The following QRICH2 variants were observed in gnomAD, a reference collection of about 807,000 sequenced individuals.
QRICH2 encodes the protein glutamine rich 2, also known as glutamine-rich protein 2.
In QRICH2, 119 loss-of-function variants were observed where a neutral mutation model predicts 168.3. The observed-to-expected ratio is 0.71, with a 90% confidence interval of 0.61 to 0.82. QRICH2 has a LOEUF of 0.82. Ranked by LOEUF, QRICH2 falls within the 40% of genes least tolerant of loss-of-function variation. QRICH2 has a pLI of 0.00. For synonymous variants in QRICH2, 894 were observed against 951.2 expected (o/e 0.94, Z 1.11); for missense variants, 2,241 against 2,491.6 (o/e 0.90, Z 2.14).
chr17:76,279,431 G>T lies in QRICH2; in HGVS notation c.4749-3C>A, dbSNP rs1476799143. The T allele has an allele frequency of 6.2e-7, 1 of 1,609,188 alleles. No homozygotes were observed. Among genetic ancestry groups the T allele is most frequent in the Non-Finnish European group, 8.5e-7 (1 of 1,177,764 alleles). ...AGTGGAAATGTGCCAGGAGCTGCCT[G>T]TTAGGAATGGGACGCACACGCAGGG... On this transcript the variant is annotated splice_region_variant and splice_polypyrimidine_tract_variant and intron_variant, in intron 12 of 18. Coordinates refer to ENST00000680821, the MANE Select transcript of QRICH2 (RefSeq NM_001388453.1).
At chr17:76,282,732 A>T (rs1340481576) in intron 7 of QRICH2, among the ~76,000 whole-genome samples, 3 of 152,146 alleles carry the variant, frequency 2.0e-5, no homozygotes, top group African/African-American at 4.8e-5. Context: ...ACCCCAAATG[A>T]GAGTTCCCAG....
rs189281276 is a variant in QRICH2, at chr17:76,299,421, G to A, written c.705+4994C>T. 2.0e-3 allele frequency among the ~76,000 whole-genome samples: 309 copies of A among 152,182 alleles called. 1 individual carries two copies. The highest frequency in any genetic ancestry group is 3.8e-3 in the Non-Finnish European group (258 of 68,004). ...TTTCTGATTTCAGGGCTCATTCTCA[G>A]AGGAAAGCGGCATCAGAAAGATGTT... On this transcript the variant is annotated intron_variant, in intron 3 of 18. Transcript: ENST00000680821.
intron 3 of QRICH2, among the ~76,000 whole-genome samples, chr17:76,298,806 G>A (rs2070848335): frequency 6.6e-6 from 1 of 151,792 alleles, no homozygotes; most frequent in African/African-American, 2.4e-5. Context: ...AGTAGAGATG[G>A]GGCTTCACCA....
In QRICH2 at chr17:76,292,887, C is replaced by A; in HGVS notation, c.1840G>T (p.Gly614Cys). The A allele has an allele frequency of 6.2e-7, 1 of 1,611,032 alleles. No homozygotes were observed. Among genetic ancestry groups the A allele is most frequent in the Non-Finnish European group, 8.5e-7 (1 of 1,179,518 alleles). The change falls in exon 4 of 19, where the codon GGT becomes TGT. Residue 614 changes from glycine to cysteine, a missense_variant. Around this residue, in one of 3 missense-constraint regions of QRICH2, gnomAD observed 2,047 missense variants for 2,303.8 expected, o/e 0.89. Coordinates refer to ENST00000680821, the MANE Select transcript of QRICH2 (RefSeq NM_001388453.1). ...CAGACCAAACCACGCTGATCTGCACCAGGTTGGGCCAAACCAGACTGATCC... is the reference window on the plus strand; with the variant it reads ...CAGACCAAACCACGCTGATCTGCACAAGGTTGGGCCAAACCAGACTGATCC... ...GMDQSGLAQPGADQRGLVWPG... is the reference protein window; with the variant it reads ...GMDQSGLAQPCADQRGLVWPG...
intron 15 of QRICH2, among the ~76,000 whole-genome samples, chr17:76,277,522 GCA>G (rs1338286984): frequency 6.6e-6 from 1 of 151,912 alleles, no homozygotes. Flanking sequence ...GGGCAGGCGT[GCA>G]CACACACACC....
At chr17:76,299,272 A>G (rs1243611281) in intron 3 of QRICH2, among the ~76,000 whole-genome samples, 1 of 152,118 alleles carries the variant, frequency 6.6e-6, no homozygotes, top group Non-Finnish European at 1.5e-5. Flanking sequence ...GCCAACTTTG[A>G]GGGCCATTTG....
chr17:76,283,559 T>C (rs146564119), intron 7 of QRICH2, among the ~76,000 whole-genome samples: 67 of 152,286 alleles, frequency 4.4e-4, no homozygotes, highest in Middle Eastern at 3.4e-3. Flanking sequence ...TCCAGCAACT[T>C]GGGAGCCTGG....
intron 7 of QRICH2, 97 bp from the exon 8 acceptor site, chr17:76,282,212 C>A: frequency 7.0e-7 from 1 of 1,431,836 alleles, no homozygotes; most frequent in East Asian, 2.5e-5. Context: ...TGCCTCTCCC[C>A]TGTCGTGCCC....
At chr17:76,297,754 T>C (rs1387116534) in intron 3 of QRICH2, among the ~76,000 whole-genome samples, 1 of 152,080 alleles carries the variant, frequency 6.6e-6, no homozygotes, top group Non-Finnish European at 1.5e-5. Context: ...GGTCTCACTC[T>C]GTCACTCAGT....
chr17:76,293,609 G>T lies in QRICH2; in HGVS notation c.1118C>A (p.Pro373His), dbSNP rs1399179862. The T allele has an allele frequency of 1.2e-6, 2 of 1,614,164 alleles. No individual in the cohort carries two copies. Among genetic ancestry groups the T allele is most frequent in the South Asian group, 2.2e-5 (2 of 91,084 alleles). The change falls in exon 4 of 19, where the codon CCC becomes CAC. Residue 373 changes from proline (P) to histidine (H), a missense_variant. Pro to His is a moderately conservative substitution (Grantham distance 77). This residue lies in a region of QRICH2 where 2,047 missense variants were observed against 2,303.8 expected (regional missense o/e 0.89). Coordinates refer to ENST00000680821, the MANE Select transcript of QRICH2 (RefSeq NM_001388453.1). ...ACTCTGGCTAGCGGGCACACTACTG[G>T]GCTGGTCTCTGGCCAAGGGTAAGTC... is the stretch of plus-strand genomic sequence containing the variant. Reference protein sequence around the residue: ...QQDLPLARDQPSSVPASQSQV... With the variant: ...QQDLPLARDQHSSVPASQSQV...
At chr17:76,294,612 A>G (rs534055496) in intron 3 of QRICH2, among the ~76,000 whole-genome samples, 1 of 152,152 alleles carries the variant, frequency 6.6e-6, no homozygotes, top group East Asian at 1.9e-4. Context: ...CAGGACTTTG[A>G]GACCTGCCTG....
At chr17:76,304,316 C>T (rs1160011439) in intron 3 of QRICH2, 99 bp downstream of exon 3, 5 of 716,220 alleles carry the variant, frequency 7.0e-6, no homozygotes, top group Non-Finnish European at 1.2e-5. Flanking sequence ...AACTTGCGAA[C>T]TATGAATATC....
rs2071013676 is a variant in QRICH2, at chr17:76,307,750, CG to C, written c.248del (p.Ala83GlyfsTer21). 8 of 1,380,070 alleles carry C rather than the reference CG, an allele frequency of 5.8e-6. No individual in the cohort carries two copies. The African/African-American group carries it at 6.0e-5, about 10-fold the overall frequency. The allele number at this position is 1,380,070 out of a possible 1,614,324, so 85.5% of individuals were successfully genotyped here. A position where few individuals can be genotyped will look rare whatever the true frequency, so the allele number is the denominator to read the frequency against. ...LPAPKEVPKG[A>X]PREKRRGVGQ... ...CCACGCCCCTGCGCTTCTCCCGGGG[CG>C]CCCCCTTGGGCACCTCCTTGGGCGC... is the stretch of plus-strand genomic sequence containing the variant. On this transcript the variant is annotated frameshift_variant, in exon 1 of 19. Coordinates refer to ENST00000680821, the MANE Select transcript of QRICH2 (RefSeq NM_001388453.1). LOFTEE classifies it high-confidence loss of function. This position sits in a 1 kb window ranked among gnomAD's most constrained non-coding sequence, Gnocchi z 5.3.
intron 3 of QRICH2, among the ~76,000 whole-genome samples, chr17:76,303,768 G>A (rs1341920966): frequency 6.6e-6 from 1 of 151,516 alleles, no homozygotes; most frequent in East Asian, 1.9e-4. Context: ...AGCTACTCTG[G>A]AGGCTGAGAC....
At chr17:76,296,551 G>A (rs1479440622) in intron 3 of QRICH2, among the ~76,000 whole-genome samples, 1 of 152,104 alleles carries the variant, frequency 6.6e-6, no homozygotes, top group Non-Finnish European at 1.5e-5. Context: ...CTTTCAGTGG[G>A]TGGATTACCC....
intron 5 of QRICH2, among the ~76,000 whole-genome samples, 154 bp downstream of exon 5, chr17:76,289,838 G>A (rs1474052057): frequency 6.6e-6 from 1 of 151,976 alleles, no homozygotes; most frequent in East Asian, 1.9e-4. Flanking sequence ...TGTAATCCCA[G>A]CTACTCGGGA....
intron 7 of QRICH2, among the ~76,000 whole-genome samples, chr17:76,286,318 AAAAAG>A (rs1376934139): frequency 6.6e-6 from 1 of 152,264 alleles, no homozygotes; most frequent in Non-Finnish European, 1.5e-5. Context: ...TGAAGCCATA[AAAAAG>A]AATGGAGTAT....
chr17:76,280,052 C>T lies in QRICH2; in HGVS notation c.4729G>A (p.Glu1577Lys), dbSNP rs780842917. The change falls in exon 12 of 19, where the codon GAG becomes AAG. Residue 1577 changes from glutamate to lysine, a missense_variant. By Grantham distance (56) the Glu-to-Lys change is moderately conservative. Transcript: ENST00000680821. This position sits in a 1 kb window ranked among gnomAD's most constrained non-coding sequence, Gnocchi z 7.4. The stretch of plus-strand genomic sequence containing the variant: ...CCTCACCTCCGCATGGCAGCCGCCT[C>T]GTCTGCCTGGTAGAGTGGGGGGCGC... ...RERPPLYQAD[E>K]AAAMRRQLLA... 3.7e-6 allele frequency: 6 copies of T among 1,612,916 alleles called. No homozygotes were observed. The highest frequency in any genetic ancestry group is 1.1e-5 in the South Asian group (1 of 90,970).
rs2070966982 is a variant in QRICH2 at position 76,304,956 on chromosome 17, C to T, written c.535-15G>A. ...TGTAAAAGTACCTGGAAGAAGAGTT[C>T]AGGAAAGGAGAATGACAGTGGCCCC... is the stretch of plus-strand genomic sequence containing the variant. On this transcript the variant is annotated splice_polypyrimidine_tract_variant and intron_variant, in intron 1 of 18. Transcript: ENST00000680821. The T allele has an allele frequency of 1.2e-6, 2 of 1,606,818 alleles. No individual in the cohort carries two copies. Among genetic ancestry groups the T allele is most frequent in the Non-Finnish European group, 1.7e-6 (2 of 1,173,638 alleles).
Sources: gnomAD v4.1 joint callset for allele counts (sites outside exome capture counted in the v4.1 genomes callset) on GRCh38, gnomAD v4.1.1 for gene constraint, gnomAD v4.1.1 regional missense constraint, Gnocchi (gnomAD v3.1) non-coding constraint, MANE v1.5 for transcripts, NCBI Gene and HGNC (gene_info 2026-07-23, HGNC 2026-07-21) for gene names.